The following NEGR1 variants were observed in gnomAD, a reference collection of about 807,000 sequenced individuals.
The protein encoded by NEGR1 is neuronal growth regulator 1.
In NEGR1, 10 loss-of-function variants were observed where a neutral mutation model predicts 40.9. The ratio of observed to expected loss-of-function variants is 0.24; its 90% CI spans 0.15 to 0.42. NEGR1 has a LOEUF of 0.42. Ranked by LOEUF, NEGR1 falls within the 10% of genes least tolerant of loss-of-function variation. NEGR1 has a pLI of 1.00. For synonymous variants in NEGR1, 185 were observed against 166.8 expected, an observed-to-expected ratio of 1.11 and a Z score of -0.84; for missense variants, 352 against 438.9, an observed-to-expected ratio of 0.80 and a Z score of 1.77.
intron 4 of NEGR1, among the ~76,000 whole-genome samples, chr1:71,667,850 T>C (rs1365041963): frequency 3.3e-5 from 5 of 152,152 alleles, no homozygotes; most frequent in African/African-American, 1.2e-4. Context: ...AGGGTCATAT[T>C]AGGTTGCAAA....
At chr1:71,577,527 C>A (rs1649003218) in intron 6 of NEGR1, among the ~76,000 whole-genome samples, 1 of 152,148 alleles carries the variant, frequency 6.6e-6, no homozygotes, top group East Asian at 1.9e-4. Flanking sequence ...AATCAATACA[C>A]ATAGTAGTGG....
intron 4 of NEGR1, among the ~76,000 whole-genome samples, chr1:71,620,650 T>TA (rs1477963322): frequency 2.0e-5 from 3 of 151,928 alleles, no homozygotes; most frequent in African/African-American, 4.8e-5. Flanking sequence ...AGCTAAGATT[T>TA]AAAAAAATCA....
chr1:72,267,116 C>T (rs932524308), intron 1 of NEGR1, among the ~76,000 whole-genome samples: 6 of 150,938 alleles, frequency 4.0e-5, no homozygotes, highest in African/African-American at 1.2e-4. Flanking sequence ...CCAACGTTTA[C>T]CTTTTTTAAT....
intron 2 of NEGR1, among the ~76,000 whole-genome samples, chr1:71,854,689 G>A (rs1659707960): frequency 6.6e-6 from 1 of 152,082 alleles, no homozygotes; most frequent in African/African-American, 2.4e-5. Context: ...AGGAGAAGAA[G>A]GCACCTTCTT....
At chr1:72,170,765 G>A (rs1651933430) in intron 1 of NEGR1, among the ~76,000 whole-genome samples, 4 of 152,154 alleles carry the variant, frequency 2.6e-5, no homozygotes. Context: ...TGTATTCACT[G>A]TTGTTTTTGG....
At chr1:71,694,339 A>G (rs1378028169) in intron 4 of NEGR1, among the ~76,000 whole-genome samples, 1 of 151,590 alleles carries the variant, frequency 6.6e-6, no homozygotes, top group African/African-American at 2.4e-5. Flanking sequence ...TAAAAAGTGG[A>G]CAAGAAATAC....
intron 1 of NEGR1, among the ~76,000 whole-genome samples, chr1:72,243,757 C>T (rs1654820933): frequency 6.6e-6 from 1 of 151,716 alleles, no homozygotes; most frequent in Admixed American, 6.6e-5. Context: ...ACTCTCATTA[C>T]CTGATTATAT....
chr1:71,624,266 T>A (rs1650698027), intron 4 of NEGR1, among the ~76,000 whole-genome samples: 1 of 151,980 alleles, frequency 6.6e-6, no homozygotes, highest in South Asian at 2.1e-4. Context: ...ATACTTCTCA[T>A]CACTCCTATA....
chr1:71,522,176 C>A (rs1279104959), intron 6 of NEGR1, among the ~76,000 whole-genome samples: 1 of 151,918 alleles, frequency 6.6e-6, no homozygotes, highest in African/African-American at 2.4e-5. Context: ...TAATACATTC[C>A]TGACTCCACC....
At chr1:72,229,951 T>C (rs960929370) in intron 1 of NEGR1, among the ~76,000 whole-genome samples, 1 of 152,112 alleles carries the variant, frequency 6.6e-6, no homozygotes, top group Non-Finnish European at 1.5e-5. Context: ...CACATGATCT[T>C]TACACAGTTG....
chr1:72,257,049 G>A lies in NEGR1; in HGVS notation c.176+25270C>T, dbSNP rs140681074. Among the ~76,000 whole-genome samples, 1,425 of 152,176 alleles carry A rather than the reference G, an allele frequency of 9.4e-3. 31 individuals are homozygous for A. Among genetic ancestry groups the A allele is most frequent in the African/African-American group, 0.033 (1,361 of 41,520 alleles). ...GTTAAGAATAGCACATAGGCCGGGC[G>A]CGGTGGCTCACGCCTGTAATCCCAG... On this transcript the variant is annotated intron_variant, in intron 1 of 6. Transcript: ENST00000357731.
intron 1 of NEGR1, among the ~76,000 whole-genome samples, chr1:72,190,522 A>T (rs2821290): frequency 0.022 from 3,316 of 151,678 alleles, 54 homozygotes; most frequent in African/African-American, 0.032. Flanking sequence ...TTCCATTTTT[A>T]TTGGAATAGT....
At chr1:72,012,208 G>C (rs1646662935) in intron 1 of NEGR1, among the ~76,000 whole-genome samples, 1 of 152,070 alleles carries the variant, frequency 6.6e-6, no homozygotes, top group Non-Finnish European at 1.5e-5. Flanking sequence ...AATATCTAAT[G>C]ATCTTTGTCA....
At chr1:71,894,807 C>G (rs974208866) in intron 2 of NEGR1, among the ~76,000 whole-genome samples, 1 of 152,106 alleles carries the variant, frequency 6.6e-6, no homozygotes, top group African/African-American at 2.4e-5. Context: ...ACTTGGGAGG[C>G]TGAGGCAGGA....
chr1:72,150,030 C>A (rs1266109696), intron 1 of NEGR1, among the ~76,000 whole-genome samples: 1 of 151,884 alleles, frequency 6.6e-6, no homozygotes, highest in Non-Finnish European at 1.5e-5. Flanking sequence ...TCACACATAT[C>A]TTCATGTTGT....
At chr1:71,703,367 A>G (rs1420982653) in intron 3 of NEGR1, 1 of 151,980 alleles carries the variant, frequency 6.6e-6, no homozygotes, top group Non-Finnish European at 1.5e-5. Flanking sequence ...GAACAAAACA[A>G]AATCTAAACA....
intron 1 of NEGR1, among the ~76,000 whole-genome samples, chr1:72,105,132 T>C (rs1283671643): frequency 6.6e-6 from 1 of 152,132 alleles, no homozygotes; most frequent in African/African-American, 2.4e-5. Flanking sequence ...AGACAATAAA[T>C]TCAATCTTTC....
intron 1 of NEGR1, among the ~76,000 whole-genome samples, chr1:72,102,734 T>C (rs1648993418): frequency 6.6e-6 from 1 of 152,124 alleles, no homozygotes; most frequent in South Asian, 2.1e-4. Flanking sequence ...ATATTTAGTA[T>C]CATGATACAT....
intron 4 of NEGR1, among the ~76,000 whole-genome samples, chr1:71,665,335 T>C (rs1295451083): frequency 1.3e-5 from 2 of 152,188 alleles, no homozygotes; most frequent in African/African-American, 4.8e-5. Flanking sequence ...AGAGAACTTG[T>C]GGAGTTCCTG....
Sources: allele counts gnomAD v4.1 joint callset (sites outside exome capture counted in the v4.1 genomes callset), GRCh38; gene constraint gnomAD v4.1.1; transcripts MANE v1.5; gene names NCBI Gene and HGNC (gene_info 2026-07-23, HGNC 2026-07-21).